Variants in CFAP251 observed in about 807,000 individuals in gnomAD.
CFAP251 encodes cilia- and flagella-associated protein 251.
Under a neutral mutation model 126.7 loss-of-function variants are expected in CFAP251, and 93 were observed. That is an observed-to-expected ratio of 0.73 (90% CI 0.62 to 0.87). The LOEUF is 0.87. Ranked by LOEUF, CFAP251 falls within the 40% of genes least tolerant of loss-of-function variation. The pLI is 0.00. For synonymous variants in CFAP251, 503 were observed against 506.9 expected, an observed-to-expected ratio of 0.99 and a Z score of 0.10; for missense variants, 1,287 against 1,389.2, an observed-to-expected ratio of 0.93 and a Z score of 1.17.
At chr12:121,975,180 C>A in intron 17 of CFAP251, 64 bp from the exon 18 acceptor site, 1 of 1,411,252 alleles carries the variant, frequency 7.1e-7, no homozygotes, top group Non-Finnish European at 1.0e-6. Context: ...CTGTGCGGAC[C>A]ACCTTCTGAG....
chr12:121,999,686 G>T, intron 19 of CFAP251, 30 bp from the exon 20 acceptor site: 1 of 1,542,330 alleles, frequency 6.5e-7, no homozygotes, highest in Non-Finnish European at 8.9e-7. Flanking sequence ...ATTTACTGTG[G>T]TCTTTTTTTT....
chr12:121,977,912 T>C (rs1039280948), intron 19 of CFAP251, among the ~76,000 whole-genome samples: 9 of 150,542 alleles, frequency 6.0e-5, no homozygotes, highest in Non-Finnish European at 3.0e-5. Flanking sequence ...TGAGCCGAGA[T>C]TGCGCCACTG....
At chr12:121,924,044 A>T in intron 3 of CFAP251, 54 bp downstream of exon 3, 1 of 1,519,882 alleles carries the variant, frequency 6.6e-7, no homozygotes. Flanking sequence ...GTTGCGCAAT[A>T]GGGGAATTTT....
Position 121,974,260 on chromosome 12 carries a change from C to T in CFAP251, c.2772-984C>T, listed in dbSNP as rs541813612. On this transcript the variant is annotated intron_variant, in intron 17 of 21. Transcript: ENST00000288912. The surrounding 1 kb of genome is among the most constrained non-coding windows in gnomAD (Gnocchi z 4.6). ...CTTGCGCCATAATTGTGAGTCCTCC[C>T]CAGCCATGTGAAACCGTAAGTCCAA... Among the ~76,000 whole-genome samples the T allele has an allele frequency of 1.3e-5, 2 of 152,292 alleles. No individual in the cohort carries two copies. Among genetic ancestry groups the T allele is most frequent in the East Asian group, 3.9e-4 (2 of 5,190 alleles).
At chr12:121,981,308 C>CA (rs11375775) in intron 19 of CFAP251, among the ~76,000 whole-genome samples, 87,402 of 150,138 alleles carry the variant, frequency 0.58, 29,906 homozygotes, top group Non-Finnish European at 0.77. Flanking sequence ...CCTGTCTCTA[C>CA]AAAAAATAAA....
chr12:121,921,153 A>C (rs768512614), intron 1 of CFAP251, 133 bp from the exon 2 acceptor site: 91 of 1,063,926 alleles, frequency 8.6e-5, no homozygotes, highest in African/African-American at 7.0e-4. Context: ...CTGGTCAGAA[A>C]CATGACATTC....
At chr12:121,963,500 A>G (rs557618905) in intron 15 of CFAP251, among the ~76,000 whole-genome samples, 1 of 151,216 alleles carries the variant, frequency 6.6e-6, no homozygotes, top group Non-Finnish European at 1.5e-5. Context: ...CGAGACGGGG[A>G]GGACACCAGC....
At chr12:121,963,511 CGGGGAGCAGGGCGTCCGCTGCT>C (rs1465708928) in intron 15 of CFAP251, among the ~76,000 whole-genome samples, 4 of 151,124 alleles carry the variant, frequency 2.6e-5, no homozygotes, top group African/African-American at 7.3e-5. Flanking sequence ...GGACACCAGC[CGGGGAGCAGGGCGTCCGCTGCT>C]GGGGAGCAGG....
rs767881153 is a variant in CFAP251, at chr12:121,931,837, A to C, written c.839A>C (p.His280Pro). 1 of 1,605,534 alleles carries C rather than the reference A, an allele frequency of 6.2e-7. No individual in the cohort carries two copies. Among genetic ancestry groups the C allele is most frequent in the South Asian group, 1.1e-5 (1 of 89,128 alleles). Residue 280 changes from histidine to proline, a missense_variant, in exon 4 of 22, where the codon CAC (histidine) becomes CCC (proline). Coordinates refer to ENST00000288912, the MANE Select transcript of CFAP251 (RefSeq NM_144668.6). ...RQRVLLYVCA[H>P]TAIIYNVFRN... ...AGAGTTCTTCTGTATGTTTGTGCTC[A>C]CACTGCGATCATCTACAACGTGTTC...
At chr12:121,936,248 G>A (rs1255248530) in intron 5 of CFAP251, among the ~76,000 whole-genome samples, 3 of 152,126 alleles carry the variant, frequency 2.0e-5, no homozygotes, top group East Asian at 1.9e-4. Flanking sequence ...ATCACTTGAG[G>A]CCAGGAGTGG....
At chr12:121,964,920 A>G (rs1882069916) in intron 15 of CFAP251, among the ~76,000 whole-genome samples, 1 of 152,108 alleles carries the variant, frequency 6.6e-6, no homozygotes, top group Non-Finnish European at 1.5e-5. Context: ...ATAAAATAAA[A>G]TAAAATAAAG....
chr12:121,986,844 C>A (rs1336245399), intron 19 of CFAP251, among the ~76,000 whole-genome samples: 1 of 152,020 alleles, frequency 6.6e-6, no homozygotes, highest in Non-Finnish European at 1.5e-5. Flanking sequence ...ATCTGCCCTC[C>A]TTAGGAGACA....
At chr12:121,919,414 A>C (rs1880065074) in intron 1 of CFAP251, among the ~76,000 whole-genome samples, 1 of 152,224 alleles carries the variant, frequency 6.6e-6, no homozygotes, top group Admixed American at 6.5e-5. Context: ...GAAGGCTTTC[A>C]AACTGTTCAT....
At chr12:121,981,065 G>T (rs1053160893) in intron 19 of CFAP251, among the ~76,000 whole-genome samples, 1 of 152,208 alleles carries the variant, frequency 6.6e-6, no homozygotes, top group Non-Finnish European at 1.5e-5. Context: ...AGTATTTCCT[G>T]TTGAGTCAGC....
chr12:121,930,312 C>T (rs571600315), intron 3 of CFAP251, among the ~76,000 whole-genome samples: 4 of 152,086 alleles, frequency 2.6e-5, no homozygotes, highest in African/African-American at 7.2e-5. Flanking sequence ...CATGGTGAAA[C>T]CCTGTTTCTA....
At chr12:121,979,719 C>A (rs1882571808) in intron 19 of CFAP251, among the ~76,000 whole-genome samples, 1 of 152,048 alleles carries the variant, frequency 6.6e-6, no homozygotes, top group Admixed American at 6.6e-5. Flanking sequence ...CATGCACCAC[C>A]ATGCCTGGCT....
intron 19 of CFAP251, among the ~76,000 whole-genome samples, chr12:121,988,708 G>GT (rs1328159640): frequency 6.7e-6 from 1 of 150,034 alleles, no homozygotes; most frequent in Non-Finnish European, 1.5e-5. Context: ...TCGTGTGCAA[G>GT]TTTTTTGTTG....
Position 121,975,659 on chromosome 12 carries a change from A to G in CFAP251, c.2980A>G (p.Ile994Val). The G allele has an allele frequency of 6.3e-7, 1 of 1,594,228 alleles. No individual in the cohort carries two copies. The highest frequency in any genetic ancestry group is 8.5e-7 in the Non-Finnish European group (1 of 1,173,960). Residue 994 changes from isoleucine to valine, a missense_variant, in exon 19 of 22, where the codon ATT (isoleucine) becomes GTT (valine). Transcript: ENST00000288912. The part of the protein sequence containing the change: ...LSELPFVMRA[I>V]GFYPSEEKID... ...AGAGCTTCCTTTTGTCATGAGAGCAATTGGCTTTTACCCATCTGAAGAGAA... is the reference window on the plus strand; with the variant it reads ...AGAGCTTCCTTTTGTCATGAGAGCAGTTGGCTTTTACCCATCTGAAGAGAA...
intron 3 of CFAP251, among the ~76,000 whole-genome samples, chr12:121,924,893 CA>C (rs1344670200): frequency 6.6e-6 from 1 of 152,078 alleles, no homozygotes; most frequent in Non-Finnish European, 1.5e-5. Flanking sequence ...GTGGGAGATC[CA>C]AACTCCATTC....
Sources: gnomAD v4.1 joint callset for allele counts (sites outside exome capture counted in the v4.1 genomes callset) on GRCh38, gnomAD v4.1.1 for gene constraint, Gnocchi (gnomAD v3.1) non-coding constraint, MANE v1.5 for transcripts, NCBI Gene and HGNC (gene_info 2026-07-23, HGNC 2026-07-21) for gene names.